COG5: variants seen among roughly 807,000 people sequenced by gnomAD.
COG5 encodes component of oligomeric golgi complex 5.
A neutral mutation model predicts 110.4 loss-of-function variants in COG5; 86 were observed. The ratio of observed to expected loss-of-function variants is 0.78; its 90% CI spans 0.65 to 0.93. COG5 has a LOEUF of 0.93. COG5 is among the 40% of genes least tolerant of loss of function. The pLI, the probability that COG5 is intolerant of heterozygous loss-of-function variation, is 0.00. For missense variants in COG5, 1,077 were observed against 987.0 expected (o/e 1.09, Z -1.22); for synonymous variants, 360 against 334.6 (o/e 1.08, Z -0.83).
chr7:107,243,899 CA>C (rs1386504217), intron 17 of COG5, among the ~76,000 whole-genome samples: 1 of 152,134 alleles, frequency 6.6e-6, no homozygotes, highest in Non-Finnish European at 1.5e-5. Flanking sequence ...GGAAATTAAA[CA>C]ACTTGCTCCT....
chr7:107,289,819 A>G (rs78166591), intron 12 of COG5, among the ~76,000 whole-genome samples: 15 of 152,304 alleles, frequency 9.8e-5, no homozygotes, highest in African/African-American at 3.4e-4. Flanking sequence ...TTACTATTTT[A>G]CTATCTGTCA....
At chr7:107,498,146 T>C (rs562115917) in intron 6 of COG5, among the ~76,000 whole-genome samples, 21 of 152,188 alleles carry the variant, frequency 1.4e-4, no homozygotes, top group Non-Finnish European at 2.4e-4. Context: ...AATGGCTTAA[T>C]GATTTAGCCG....
intron 6 of COG5, among the ~76,000 whole-genome samples, chr7:107,488,025 T>C (rs1797753174): frequency 6.6e-6 from 1 of 152,122 alleles, no homozygotes; most frequent in Non-Finnish European, 1.5e-5. Context: ...ACAATGAACA[T>C]ATATTGTTAA....
At chr7:107,259,176 C>G (rs1409493498) in intron 14 of COG5, among the ~76,000 whole-genome samples, 3 of 152,018 alleles carry the variant, frequency 2.0e-5, no homozygotes, top group Non-Finnish European at 2.9e-5. Flanking sequence ...TCATATTGAT[C>G]AGATTTTAAT....
intron 12 of COG5, among the ~76,000 whole-genome samples, chr7:107,295,085 ATATATATATATATATATTT>A (rs1449124757): frequency 1.2e-4 from 8 of 68,384 alleles, no homozygotes; most frequent in Non-Finnish European, 1.6e-4. Flanking sequence ...ATATATATAT[ATATATATATATATATATTT>A]TTTTTTTTTT....
At chr7:107,365,141 A>T (rs974988568) in intron 8 of COG5, among the ~76,000 whole-genome samples, 1 of 152,146 alleles carries the variant, frequency 6.6e-6, no homozygotes, top group African/African-American at 2.4e-5. Context: ...GAAATACAAG[A>T]CATTGCCATT....
At chr7:107,528,427 T>TA (rs1385119571) in intron 5 of COG5, among the ~76,000 whole-genome samples, 1 of 152,132 alleles carries the variant, frequency 6.6e-6, no homozygotes, top group African/African-American at 2.4e-5. Context: ...AGAAAGCACA[T>TA]AAACAACAAA....
intron 6 of COG5, among the ~76,000 whole-genome samples, chr7:107,448,677 G>A (rs1376723917): frequency 6.6e-6 from 1 of 152,112 alleles, no homozygotes; most frequent in Admixed American, 6.5e-5. Context: ...TGTCTAATAA[G>A]CACCTCAAAT....
chr7:107,509,517 G>A (rs1799325795), intron 6 of COG5, among the ~76,000 whole-genome samples: 1 of 152,128 alleles, frequency 6.6e-6, no homozygotes, highest in Admixed American at 6.5e-5. Context: ...AGCAAGGCAG[G>A]CCAACATTCA....
At chr7:107,525,222 G>A (rs956798181) in intron 6 of COG5, among the ~76,000 whole-genome samples, 9 of 151,454 alleles carry the variant, frequency 5.9e-5, no homozygotes, top group Admixed American at 1.3e-4. Flanking sequence ...CACCATGCCC[G>A]GCTGTGCCTG....
intron 6 of COG5, among the ~76,000 whole-genome samples, chr7:107,523,661 A>T (rs1800500777): frequency 6.6e-6 from 1 of 152,126 alleles, no homozygotes. Flanking sequence ...CTAAATATAC[A>T]AAAATTAGCC....
At position 107,290,743 on chromosome 7, in the gene COG5, C is replaced by T. The variant is rs952417152; in HGVS notation, c.1314-7011G>A. ...ATCTGAGCCCACTACCTTTTGGCAT[C>T]CTTTGTTTCTGCTGAGAAGTCAGCT... is the stretch of plus-strand genomic sequence containing the variant. On this transcript the variant is annotated intron_variant, in intron 12 of 21. Coordinates refer to ENST00000297135, the MANE Select transcript of COG5 (RefSeq NM_006348.5). Among the ~76,000 whole-genome samples the T allele has an allele frequency of 2.0e-5, 3 of 152,276 alleles. No homozygotes were observed. In the East Asian group the frequency reaches 5.8e-4, roughly 29 times the overall value.
In COG5 at chr7:107,222,300, A is replaced by G. The variant is rs1174683907; in HGVS notation, c.2168+8315T>C. Among the ~76,000 whole-genome samples, 3 of 152,066 alleles carry G rather than the reference A, an allele frequency of 2.0e-5. No homozygotes were observed. In the East Asian group the frequency reaches 5.8e-4, roughly 29 times the overall value. On this transcript the variant is annotated intron_variant, in intron 19 of 21. Transcript: ENST00000297135. The stretch of plus-strand genomic sequence containing the variant: ...CTGCAACCTCTGCCTCCTGGGCTCA[A>G]GTGATTCTCCTGCCTCAGCCTTCTG...
At chr7:107,432,923 T>G (rs1794126385) in intron 6 of COG5, among the ~76,000 whole-genome samples, 1 of 152,176 alleles carries the variant, frequency 6.6e-6, no homozygotes, top group Non-Finnish European at 1.5e-5. Context: ...ATCTTAGATA[T>G]AGCAAACCTT....
At chr7:107,484,604 T>C (rs1354791084) in intron 6 of COG5, among the ~76,000 whole-genome samples, 1 of 152,162 alleles carries the variant, frequency 6.6e-6, no homozygotes, top group Non-Finnish European at 1.5e-5. Flanking sequence ...CACAACTATA[T>C]ACACTTAATG....
In COG5 at chr7:107,292,837, G is replaced by C. The variant is rs558341058; in HGVS notation, c.1313+5305C>G. 2.6e-5 allele frequency among the ~76,000 whole-genome samples: 4 copies of C among 152,268 alleles called. No homozygotes were observed. In the South Asian group the frequency reaches 8.3e-4, roughly 32 times the overall value. ...AGGTCTTCAAGACTCAGAACTTATA[G>C]ATTAAAATAAGCTAATCACTTATGT... On this transcript the variant is annotated intron_variant, in intron 12 of 21. Coordinates refer to ENST00000297135, the MANE Select transcript of COG5 (RefSeq NM_006348.5).
intron 6 of COG5, among the ~76,000 whole-genome samples, chr7:107,420,175 A>G (rs914270644): frequency 3.3e-5 from 5 of 152,222 alleles, no homozygotes; most frequent in African/African-American, 1.2e-4. Context: ...TGCTTTAATT[A>G]TGCTCAATTC....
chr7:107,351,583 A>T, intron 10 of COG5, among the ~76,000 whole-genome samples: 1 of 152,194 alleles, frequency 6.6e-6, no homozygotes, highest in Non-Finnish European at 1.5e-5. Context: ...TAATATCTAG[A>T]ATCTACAATA....
At position 107,393,507 on chromosome 7, in the gene COG5, T is replaced by C. The variant is rs76266570; in HGVS notation, c.669+18995A>G. 5.3e-5 allele frequency among the ~76,000 whole-genome samples: 8 copies of C among 152,372 alleles called. No homozygotes were observed. In the East Asian group the frequency reaches 1.5e-3, roughly 29 times the overall value. On this transcript the variant is annotated intron_variant, in intron 7 of 21. Transcript: ENST00000297135. ...TTTTGTCATCACAAGATAGGCATGA[T>C]AAGTAGCATAATGCTAACTTTATAG...
Sources: allele counts gnomAD v4.1 joint callset (sites outside exome capture counted in the v4.1 genomes callset), GRCh38; gene constraint gnomAD v4.1.1; transcripts MANE v1.5; gene names NCBI Gene and HGNC (gene_info 2026-07-23, HGNC 2026-07-21).